DIS3L2: variants seen among roughly 807,000 people sequenced by gnomAD.
The protein encoded by DIS3L2 is DIS3 like 3'-5' exoribonuclease 2, also known as DIS3-like exonuclease 2.
Under a neutral mutation model 97.5 loss-of-function variants are expected in DIS3L2, and 34 were observed. The ratio of observed to expected loss-of-function variants is 0.35; its 90% CI spans 0.27 to 0.46. The LOEUF (loss-of-function observed/expected upper bound fraction) is 0.46, where lower values mean the gene tolerates loss of function less well. Ranked by LOEUF, DIS3L2 falls within the 20% of genes least tolerant of loss-of-function variation. The pLI is 1.00. For synonymous variants in DIS3L2, 435 were observed against 445.2 expected (o/e 0.98, Z 0.29); for missense variants, 1,038 against 1,146.0 (o/e 0.91, Z 1.36).
intron 8 of DIS3L2, among the ~76,000 whole-genome samples, chr2:232,147,163 G>A (rs1054276434): frequency 6.6e-6 from 1 of 152,046 alleles, no homozygotes; most frequent in African/African-American, 2.4e-5. Flanking sequence ...TAGGAATGGG[G>A]TCTTGCTGTG....
chr2:232,047,985 G>T (rs948084874), intron 5 of DIS3L2, among the ~76,000 whole-genome samples: 15 of 152,128 alleles, frequency 9.9e-5, no homozygotes, highest in African/African-American at 3.6e-4. Context: ...GAACATTTGG[G>T]TTGTATCTAC....
intron 7 of DIS3L2, 111 bp from the exon 8 acceptor site, chr2:232,136,361 A>C (rs1698358393): frequency 7.2e-7 from 1 of 1,396,602 alleles, no homozygotes; most frequent in African/African-American, 1.4e-5. Flanking sequence ...ATTTTGACCT[A>C]GAAAAACTGC....
chr2:232,161,036 G>T (rs1203167830), intron 8 of DIS3L2, among the ~76,000 whole-genome samples: 1 of 152,072 alleles, frequency 6.6e-6, no homozygotes, highest in African/African-American at 2.4e-5. Flanking sequence ...TCCTGTCTAA[G>T]CCTCCAGAGT....
chr2:232,106,656 G>A (rs1011652192), intron 6 of DIS3L2, among the ~76,000 whole-genome samples: 4 of 152,066 alleles, frequency 2.6e-5, no homozygotes, highest in Admixed American at 6.5e-5. Flanking sequence ...CAATAATAGC[G>A]AGAGACTTTA....
intron 9 of DIS3L2, among the ~76,000 whole-genome samples, chr2:232,196,166 A>G (rs1344116900): frequency 6.6e-6 from 1 of 151,966 alleles, no homozygotes; most frequent in Non-Finnish European, 1.5e-5. Context: ...GCAGTGGTGC[A>G]GTCATAGCTC....
chr2:231,965,387 G>A (rs1692680634), intron 1 of DIS3L2, among the ~76,000 whole-genome samples: 1 of 151,688 alleles, frequency 6.6e-6, no homozygotes, highest in Non-Finnish European at 1.5e-5. Flanking sequence ...AGCCTTTGAT[G>A]CTCAGCATTT....
intron 5 of DIS3L2, among the ~76,000 whole-genome samples, chr2:232,072,783 GGTGT>G (rs56884799): frequency 4.1e-4 from 57 of 139,890 alleles, no homozygotes; most frequent in African/African-American, 7.9e-4. Context: ...TGGGATGTGG[GGTGT>G]GTGTGTGTGT....
At chr2:232,051,791 G>A (rs1350962532) in intron 5 of DIS3L2, among the ~76,000 whole-genome samples, 4 of 109,298 alleles carry the variant, frequency 3.7e-5, no homozygotes, top group Non-Finnish European at 6.8e-5. Context: ...CAGCCTGGGC[G>A]ACAGAGCGAG....
intron 12 of DIS3L2, among the ~76,000 whole-genome samples, chr2:232,250,936 C>G (rs1693401003): frequency 6.6e-6 from 1 of 152,184 alleles, no homozygotes. Context: ...AGCTGTCTTT[C>G]CCTACAGTAA....
rs1250978416 is a variant in DIS3L2, at chr2:232,109,541, T to C, written c.602-21078T>C. Among the ~76,000 whole-genome samples, 12 of 152,224 alleles carry C rather than the reference T, an allele frequency of 7.9e-5. No homozygotes were observed. The East Asian group carries it at 2.3e-3, about 29-fold the overall frequency. ...GGTATTGGTACAAGACACAGACCAA[T>C]GGACCAGAGTAGAGAACCCAGAAAT... On this transcript the variant is annotated intron_variant, in intron 6 of 20. Coordinates refer to ENST00000325385, the MANE Select transcript of DIS3L2 (RefSeq NM_152383.5).
At chr2:232,124,998 G>A (rs1162483806) in intron 6 of DIS3L2, among the ~76,000 whole-genome samples, 3 of 152,112 alleles carry the variant, frequency 2.0e-5, no homozygotes, top group Non-Finnish European at 4.4e-5. Flanking sequence ...CATATGAGGC[G>A]TTTCATGGTC....
chr2:232,088,110 A>G (rs1444548725), intron 6 of DIS3L2, among the ~76,000 whole-genome samples: 1 of 152,222 alleles, frequency 6.6e-6, no homozygotes, highest in Non-Finnish European at 1.5e-5. Flanking sequence ...TTTTAGAAGT[A>G]TTTTTGTCGG....
intron 14 of DIS3L2, among the ~76,000 whole-genome samples, chr2:232,309,276 A>C (rs1695062406): frequency 6.6e-6 from 1 of 152,204 alleles, no homozygotes; most frequent in Non-Finnish European, 1.5e-5. Flanking sequence ...CTGTTTCCTC[A>C]GAACCACTCC....
At chr2:232,062,392 T>TA (rs1383360882) in intron 5 of DIS3L2, among the ~76,000 whole-genome samples, 1 of 152,104 alleles carries the variant, frequency 6.6e-6, no homozygotes, top group Non-Finnish European at 1.5e-5. Flanking sequence ...GTGGGTATGT[T>TA]TAGTATAGAG....
intron 13 of DIS3L2, among the ~76,000 whole-genome samples, chr2:232,265,617 A>T (rs931159733): frequency 6.6e-6 from 1 of 152,272 alleles, no homozygotes; most frequent in Non-Finnish European, 1.5e-5. Flanking sequence ...TTAACTAAAT[A>T]TCAGGGAAAC....
downstream of DIS3L2, among the ~76,000 whole-genome samples, chr2:232,341,405 A>T (rs1057363888): frequency 6.6e-6 from 1 of 152,242 alleles, no homozygotes; most frequent in African/African-American, 2.4e-5. Context: ...CTCGGGTTGG[A>T]TTAGTAGTAC....
intron 8 of DIS3L2, 44 bp downstream of exon 8, chr2:232,136,763 C>T: frequency 6.2e-7 from 1 of 1,602,200 alleles, no homozygotes; most frequent in Non-Finnish European, 8.5e-7. Context: ...ACAGGCAGAA[C>T]TCAGTTTAGG....
At chr2:232,146,594 C>T (rs983838926) in intron 8 of DIS3L2, among the ~76,000 whole-genome samples, 1 of 152,150 alleles carries the variant, frequency 6.6e-6, no homozygotes, top group African/African-American at 2.4e-5. Context: ...TACCTGCTTT[C>T]TTGATGACAT....
chr2:232,092,094 G>A (rs1490588754), intron 6 of DIS3L2, among the ~76,000 whole-genome samples: 1 of 152,162 alleles, frequency 6.6e-6, no homozygotes, highest in Admixed American at 6.5e-5. Flanking sequence ...TAGGAGTCTA[G>A]TTTCATTCTT....
Sources: gnomAD v4.1 joint callset for allele counts (sites outside exome capture counted in the v4.1 genomes callset) on GRCh38, gnomAD v4.1.1 for gene constraint, MANE v1.5 for transcripts, NCBI Gene and HGNC (gene_info 2026-07-23, HGNC 2026-07-21) for gene names.